The following FILIP1L variants were observed in gnomAD, a reference collection of about 807,000 sequenced individuals.
FILIP1L encodes filamin A-interacting protein 1-like.
In FILIP1L, 55 loss-of-function variants were observed where a neutral mutation model predicts 96.6. The observed-to-expected ratio is 0.57, with a 90% CI of 0.46 to 0.71. FILIP1L has a LOEUF of 0.71. Ranked by LOEUF, FILIP1L falls within the 30% of genes least tolerant of loss-of-function variation. The pLI is 0.00. For synonymous variants in FILIP1L, 467 were observed against 473.9 expected (o/e 0.99, Z 0.19); for missense variants, 1,304 against 1,321.2 (o/e 0.99, Z 0.20).
intron 1 of FILIP1L, among the ~76,000 whole-genome samples, chr3:100,017,060 A>G (rs1167770153): frequency 6.6e-6 from 1 of 152,260 alleles, no homozygotes; most frequent in East Asian, 1.9e-4. Flanking sequence ...ACATGTGTGT[A>G]TAATTCTTCA....
At chr3:99,996,390 A>T (rs1709681441) in intron 1 of FILIP1L, among the ~76,000 whole-genome samples, 1 of 152,178 alleles carries the variant, frequency 6.6e-6, no homozygotes, top group Non-Finnish European at 1.5e-5. Context: ...AAAGCCATTC[A>T]GCAAGTCTCT....
chr3:99,966,183 T>G (rs1056134586), intron 1 of FILIP1L, among the ~76,000 whole-genome samples: 1 of 152,202 alleles, frequency 6.6e-6, no homozygotes, highest in Admixed American at 6.5e-5. Flanking sequence ...TTAGATAAGT[T>G]GTTTCTTAAC....
intron 4 of FILIP1L, among the ~76,000 whole-genome samples, chr3:99,912,745 A>G (rs956797864): frequency 1.3e-5 from 2 of 152,180 alleles, no homozygotes; most frequent in Non-Finnish European, 2.9e-5. Flanking sequence ...TTGTTTATCC[A>G]TGCCTCAGTT....
Position 100,042,144 on chromosome 3 carries a change from C to T in FILIP1L, c.-11+71909G>A, listed in dbSNP as rs552567286. Among the ~76,000 whole-genome samples, 82 of 152,084 alleles carry T rather than the reference C, an allele frequency of 5.4e-4. 1 individual carries two copies. The highest frequency in any genetic ancestry group is 9.4e-4 in the Non-Finnish European group (64 of 68,022). On this transcript the variant is annotated intron_variant, in intron 1 of 5. Transcript: ENST00000477258. ...TGACCTTTAAATGTAGTCATTATTA[C>T]ATATTAAAGGATCTACAAAGGGCAA... is the stretch of plus-strand genomic sequence containing the variant.
At chr3:100,029,522 A>G (rs1193096194) in intron 1 of FILIP1L, among the ~76,000 whole-genome samples, 1 of 152,178 alleles carries the variant, frequency 6.6e-6, no homozygotes, top group Admixed American at 6.6e-5. Flanking sequence ...CTATATATAC[A>G]TAGACCATAC....
chr3:100,096,571 A>C (rs1370498963), intron 1 of FILIP1L, among the ~76,000 whole-genome samples: 2 of 152,114 alleles, frequency 1.3e-5, no homozygotes, highest in African/African-American at 4.8e-5. Context: ...AAATAATTGA[A>C]CACATGTTGA....
intron 4 of FILIP1L, among the ~76,000 whole-genome samples, chr3:99,915,630 T>TA (rs938791437): frequency 4.1e-4 from 60 of 146,526 alleles, no homozygotes; most frequent in Non-Finnish European, 5.7e-4. Flanking sequence ...CTTAATGGTT[T>TA]AAAAAAAAAA....
chr3:99,832,215 A>G (rs1289096050), intron 5 of FILIP1L, among the ~76,000 whole-genome samples: 3 of 149,670 alleles, frequency 2.0e-5, no homozygotes, highest in East Asian at 4.0e-4. Flanking sequence ...AACAACCCCA[A>G]TTGTCATTCC....
chr3:99,853,839 A>G (rs1943826938), intron 4 of FILIP1L, among the ~76,000 whole-genome samples: 1 of 152,228 alleles, frequency 6.6e-6, no homozygotes, highest in South Asian at 2.1e-4. Flanking sequence ...CCTGTCGGGA[A>G]GGTAAACAAG....
intron 4 of FILIP1L, among the ~76,000 whole-genome samples, chr3:99,860,677 G>T (rs1489094886): frequency 6.6e-6 from 1 of 152,142 alleles, no homozygotes; most frequent in Non-Finnish European, 1.5e-5. Context: ...CTATGAAAGG[G>T]CCAGGTGGAG....
At chr3:99,908,225 T>C (rs1253746391) in intron 4 of FILIP1L, among the ~76,000 whole-genome samples, 2 of 152,192 alleles carry the variant, frequency 1.3e-5, no homozygotes, top group African/African-American at 4.8e-5. Context: ...CATTACCTAA[T>C]TTGACCTTTT....
At chr3:99,943,058 G>A (rs879905349) in intron 1 of FILIP1L, among the ~76,000 whole-genome samples, 1 of 152,098 alleles carries the variant, frequency 6.6e-6, no homozygotes, top group Non-Finnish European at 1.5e-5. Context: ...AACAACTTTG[G>A]ACCTCCACTT....
intron 1 of FILIP1L, among the ~76,000 whole-genome samples, chr3:100,082,471 AT>A (rs1267813317): frequency 3.9e-5 from 6 of 152,116 alleles, no homozygotes; most frequent in Non-Finnish European, 8.8e-5. Flanking sequence ...AATGGTTTCT[AT>A]TTTCTTCTAT....
chr3:99,999,033 C>G (rs556114459), intron 1 of FILIP1L, among the ~76,000 whole-genome samples: 1 of 152,338 alleles, frequency 6.6e-6, no homozygotes, highest in African/African-American at 2.4e-5. Flanking sequence ...CTCTGTGAAG[C>G]CTTCCGTGCC....
At chr3:99,985,146 G>A (rs1709298179) in intron 1 of FILIP1L, among the ~76,000 whole-genome samples, 1 of 152,164 alleles carries the variant, frequency 6.6e-6, no homozygotes, top group South Asian at 2.1e-4. Flanking sequence ...TTGGAGTAAA[G>A]AGAAGATTGA....
chr3:100,062,185 C>T (rs550517771), intron 1 of FILIP1L, among the ~76,000 whole-genome samples: 1 of 136,778 alleles, frequency 7.3e-6, no homozygotes, highest in African/African-American at 2.8e-5. Flanking sequence ...GATCTTGGCT[C>T]ACTGCAAGCT....
intron 1 of FILIP1L, among the ~76,000 whole-genome samples, chr3:100,014,900 T>TTTTTTTTTTTTTTTTTTTTTTTC (rs1710291609): frequency 1.4e-5 from 2 of 141,540 alleles, no homozygotes; most frequent in African/African-American, 2.6e-5. Flanking sequence ...TCTTTCTTTT[T>TTTTTTTTTTTTTTTTTTTTTTTC]TTTTTTTTTT....
At chr3:100,025,247 G>C (rs536340193) in intron 1 of FILIP1L, among the ~76,000 whole-genome samples, 1 of 152,260 alleles carries the variant, frequency 6.6e-6, no homozygotes, top group South Asian at 2.1e-4. Context: ...ACTGTTTGTG[G>C]CTATTTTTGT....
rs1194685298 is a variant in FILIP1L at position 99,850,556 on chromosome 3, C to G, written c.1120G>C (p.Glu374Gln). 6.2e-7 allele frequency: 1 copy of G among 1,613,820 alleles called. No homozygotes were observed. The highest frequency in any genetic ancestry group is 2.2e-5 in the East Asian group (1 of 44,880). Residue 374 changes from glutamate to glutamine, a missense_variant, in exon 5 of 6, where the codon GAG becomes CAG. Transcript: ENST00000477258. The stretch of plus-strand genomic sequence containing the variant: ...ATATCTAGCACACGTTTCCTGAGCT[C>G]TTCCACTTCAGCCATGATACCAGCG... ...GNAGIMAEVE[E>Q]LRKRVLDMEG...
Sources: allele counts gnomAD v4.1 joint callset (sites outside exome capture counted in the v4.1 genomes callset), GRCh38; gene constraint gnomAD v4.1.1; transcripts MANE v1.5; gene names NCBI Gene and HGNC (gene_info 2026-07-23, HGNC 2026-07-21).